The following DCLK1 variants were observed in gnomAD, a reference collection of about 807,000 sequenced individuals.
The protein encoded by DCLK1 is serine/threonine-protein kinase DCLK1.
A neutral mutation model predicts 86.2 loss-of-function variants in DCLK1; 16 were observed. The observed-to-expected ratio is 0.19, with a 90% CI of 0.13 to 0.28. The LOEUF is 0.28. Among genes scored for constraint, DCLK1 ranks in the 10% least tolerant of loss-of-function variants. The probability of loss-of-function intolerance (pLI) is 1.00; values close to 1 mark genes in which losing one functional copy is unlikely to be tolerated. For missense variants in DCLK1, 590 were observed against 940.2 expected (o/e 0.63, Z 4.87); for synonymous variants, 369 against 370.5 (o/e 1.00, Z 0.05).
chr13:35,818,241 T>C (rs1480728789), intron 11 of DCLK1, among the ~76,000 whole-genome samples: 1 of 152,304 alleles, frequency 6.6e-6, no homozygotes, highest in Admixed American at 6.5e-5. Flanking sequence ...AGCTATCCTA[T>C]CACCAAATGG....
chr13:35,803,289 T>C (rs1441284688), intron 15 of DCLK1, among the ~76,000 whole-genome samples: 1 of 152,150 alleles, frequency 6.6e-6, no homozygotes, highest in African/African-American at 2.4e-5. Context: ...TCCTAATCTT[T>C]TCAGCTTCAT....
chr13:35,978,126 A>C (rs1210596135), intron 3 of DCLK1, among the ~76,000 whole-genome samples: 1 of 152,034 alleles, frequency 6.6e-6, no homozygotes, highest in African/African-American at 2.4e-5. Flanking sequence ...TAATACATGA[A>C]GAAAACACTT....
Position 35,769,787 on chromosome 13 carries a change from T to A in DCLK1, c.*4748A>T, listed in dbSNP as rs2153096157. 6.6e-6 allele frequency: 1 copy of A among 152,334 alleles called. No individual in the cohort carries two copies. The highest frequency in any genetic ancestry group is 1.9e-4 in the East Asian group (1 of 5,186). The allele number at this position is 152,334 out of a possible 1,614,324, so 9.4% of individuals were successfully genotyped here. ...ATTAAAGCAACATTAAGGGTCTCAA[T>A]TTCATTGAACAGAAACAAATGCTGA... On this transcript the variant is annotated 3_prime_UTR_variant, in exon 17 of 17. Transcript: ENST00000360631.
chr13:35,806,642 C>G (rs2087033599), intron 14 of DCLK1, among the ~76,000 whole-genome samples: 1 of 152,302 alleles, frequency 6.6e-6, no homozygotes, highest in South Asian at 2.1e-4. Flanking sequence ...TTCACTCAGC[C>G]TTCTTCATTC....
At chr13:35,914,727 A>G (rs978027360) in intron 4 of DCLK1, among the ~76,000 whole-genome samples, 2 of 151,988 alleles carry the variant, frequency 1.3e-5, no homozygotes, top group African/African-American at 4.8e-5. Context: ...AAAAAAAAAA[A>G]AAAGAAACTA....
chr13:36,025,684 T>C (rs1315462087), intron 3 of DCLK1, among the ~76,000 whole-genome samples: 1 of 152,178 alleles, frequency 6.6e-6, no homozygotes, highest in Non-Finnish European at 1.5e-5. Flanking sequence ...TGTCCCTAAT[T>C]AGCAAAGTGT....
intron 4 of DCLK1, among the ~76,000 whole-genome samples, chr13:35,886,353 C>T (rs1873243026): frequency 2.0e-5 from 3 of 152,082 alleles, no homozygotes; most frequent in Admixed American, 2.0e-4. Context: ...CAAGGGGCTA[C>T]TTAAAAATAC....
chr13:35,928,099 TTG>T (rs1212163420), intron 4 of DCLK1, among the ~76,000 whole-genome samples: 1 of 152,222 alleles, frequency 6.6e-6, no homozygotes, highest in East Asian at 1.9e-4. Flanking sequence ...GTTCTGTAAG[TTG>T]TTCTAGCAAA....
intron 7 of DCLK1, 27 bp from the exon 8 acceptor site, chr13:35,836,168 T>C: frequency 3.8e-6 from 6 of 1,575,784 alleles, no homozygotes; most frequent in Non-Finnish European, 5.2e-6. Flanking sequence ...TACTTTTTTA[T>C]TGGTTGAAAA....
intron 3 of DCLK1, among the ~76,000 whole-genome samples, chr13:36,042,594 A>G (rs1882736518): frequency 6.6e-6 from 1 of 152,214 alleles, no homozygotes; most frequent in South Asian, 2.1e-4. Flanking sequence ...CAGGGCTTCC[A>G]AAGGGTACAA....
At position 36,107,031 on chromosome 13, in the gene DCLK1, G is replaced by A. The variant is rs1386812148; in HGVS notation, c.723+4838C>T. 2.0e-5 allele frequency among the ~76,000 whole-genome samples: 3 copies of A among 152,156 alleles called. No individual in the cohort carries two copies. The East Asian group carries it at 5.8e-4, about 29-fold the overall frequency. On this transcript the variant is annotated intron_variant, in intron 3 of 16. Coordinates refer to ENST00000360631, the MANE Select transcript of DCLK1 (RefSeq NM_001330071.2). ...CATCATTACCATTTCCTGTAATCAA[G>A]TAAACTCCTATATTAAACACCTAAA... is the stretch of plus-strand genomic sequence containing the variant.
chr13:35,812,580 C>T (rs1289068595), intron 11 of DCLK1, among the ~76,000 whole-genome samples: 2 of 152,238 alleles, frequency 1.3e-5, no homozygotes, highest in Non-Finnish European at 2.9e-5. Flanking sequence ...AGATGTTTGG[C>T]CAGCTAAGCT....
intron 2 of DCLK1, among the ~76,000 whole-genome samples, chr13:36,112,704 G>A (rs1244193568): frequency 6.6e-6 from 1 of 152,134 alleles, no homozygotes; most frequent in Non-Finnish European, 1.5e-5. Flanking sequence ...ATTTTGTAAA[G>A]CCCAGTAAAG....
chr13:35,827,588 A>G (rs1484381345), intron 10 of DCLK1, 47 bp downstream of exon 10: 1 of 1,608,460 alleles, frequency 6.2e-7, no homozygotes, highest in Non-Finnish European at 8.5e-7. Context: ...AATATAGGCA[A>G]GTGCGGTGCC....
At chr13:35,998,750 G>A (rs1164767478) in intron 3 of DCLK1, among the ~76,000 whole-genome samples, 2 of 152,136 alleles carry the variant, frequency 1.3e-5, no homozygotes, top group East Asian at 3.9e-4. Flanking sequence ...CCTTTTCAGA[G>A]CTACACCCTA....
At chr13:36,099,733 T>A (rs751837219) in intron 3 of DCLK1, among the ~76,000 whole-genome samples, 3 of 152,214 alleles carry the variant, frequency 2.0e-5, no homozygotes, top group Non-Finnish European at 4.4e-5. Flanking sequence ...TTGATCCAAT[T>A]TGGCAAAACC....
chr13:35,875,723 C>T (rs1872550743), intron 4 of DCLK1, among the ~76,000 whole-genome samples: 1 of 152,192 alleles, frequency 6.6e-6, no homozygotes, highest in South Asian at 2.1e-4. Context: ...TCTCCCCACT[C>T]CCATACTCCA....
chr13:35,945,554 T>C (rs1224698933), intron 4 of DCLK1, among the ~76,000 whole-genome samples: 1 of 152,210 alleles, frequency 6.6e-6, no homozygotes, highest in African/African-American at 2.4e-5. Flanking sequence ...GTTTTCTATA[T>C]CAAAGCAACA....
intron 3 of DCLK1, among the ~76,000 whole-genome samples, chr13:36,036,473 T>C (rs976189062): frequency 6.6e-5 from 10 of 152,212 alleles, no homozygotes; most frequent in African/African-American, 2.4e-4. Context: ...TGTTTTTTCT[T>C]GGACTCCTTG....
Sources: allele counts gnomAD v4.1 joint callset (sites outside exome capture counted in the v4.1 genomes callset), GRCh38; gene constraint gnomAD v4.1.1; transcripts MANE v1.5; gene names NCBI Gene and HGNC (gene_info 2026-07-23, HGNC 2026-07-21).